The following SLC25A12 variants were observed in gnomAD, a reference collection of about 807,000 sequenced individuals.
SLC25A12 encodes solute carrier family 25 member 12, also known as electrogenic aspartate/glutamate antiporter SLC25A12, mitochondrial.
SLC25A12 carries 32 observed loss-of-function variants against 83.3 expected under a neutral mutation model. The ratio of observed to expected loss-of-function variants is 0.38; its 90% CI spans 0.29 to 0.52. SLC25A12 has a LOEUF of 0.52. Ranked by LOEUF, SLC25A12 falls within the 20% of genes least tolerant of loss-of-function variation. The probability of loss-of-function intolerance (pLI) is 0.84; values close to 1 mark genes in which losing one functional copy is unlikely to be tolerated. For synonymous variants in SLC25A12, 267 were observed against 291.1 expected (o/e 0.92, Z 0.84); for missense variants, 611 against 835.6 (o/e 0.73, Z 3.31).
chr2:171,846,528 C>G (rs1256793399), intron 4 of SLC25A12, among the ~76,000 whole-genome samples: 1 of 152,050 alleles, frequency 6.6e-6, no homozygotes, highest in African/African-American at 2.4e-5. Flanking sequence ...ATTTTTTTGG[C>G]TGGGCACAGT....
intron 3 of SLC25A12, among the ~76,000 whole-genome samples, chr2:171,868,211 C>T (rs1173238822): frequency 1.3e-5 from 2 of 151,422 alleles, no homozygotes; most frequent in African/African-American, 2.4e-5. Flanking sequence ...ATTTTAAAAA[C>T]ATATTTTCTA....
At chr2:171,857,905 C>A (rs763955335) in intron 3 of SLC25A12, among the ~76,000 whole-genome samples, 7 of 151,524 alleles carry the variant, frequency 4.6e-5, no homozygotes, top group Non-Finnish European at 7.4e-5. Flanking sequence ...CAAGTGAGAC[C>A]CATTTCAAAA....
intron 10 of SLC25A12, 152 bp from the exon 11 acceptor site, chr2:171,813,649 A>C: frequency 1.1e-6 from 1 of 871,870 alleles, no homozygotes; most frequent in Non-Finnish European, 1.8e-6. Flanking sequence ...CCTCACAAAC[A>C]CCTTAGGGAT....
intron 13 of SLC25A12, among the ~76,000 whole-genome samples, chr2:171,806,487 T>A (rs557479291): frequency 6.6e-6 from 1 of 151,834 alleles, no homozygotes; most frequent in Non-Finnish European, 1.5e-5. Context: ...ACAAACCAGA[T>A]AATAAAACAA....
intron 4 of SLC25A12, among the ~76,000 whole-genome samples, chr2:171,847,143 T>C (rs2105897721): frequency 6.6e-6 from 1 of 152,300 alleles, no homozygotes. Flanking sequence ...CTTTTAGGGT[T>C]TTTTTAAGAC....
intron 2 of SLC25A12, among the ~76,000 whole-genome samples, chr2:171,877,001 T>G (rs1014365903): frequency 6.6e-6 from 1 of 152,216 alleles, no homozygotes; most frequent in Admixed American, 6.5e-5. Flanking sequence ...ACTCAAGTAT[T>G]TGAAATGTAA....
chr2:171,859,405 G>A (rs1685106499), intron 3 of SLC25A12, among the ~76,000 whole-genome samples: 4 of 152,134 alleles, frequency 2.6e-5, no homozygotes, highest in South Asian at 2.1e-4. Context: ...CCACAAGTTC[G>A]AGGCTGCAAT....
chr2:171,835,005 A>T (rs1482407187), intron 6 of SLC25A12, 140 bp from the exon 7 acceptor site: 2 of 884,804 alleles, frequency 2.3e-6, no homozygotes, highest in Non-Finnish European at 1.8e-6. Flanking sequence ...AAATACAAGG[A>T]AAGTATCACA....
At chr2:171,866,714 G>A (rs1357288651) in intron 3 of SLC25A12, among the ~76,000 whole-genome samples, 6 of 140,898 alleles carry the variant, frequency 4.3e-5, no homozygotes, top group Non-Finnish European at 9.4e-5. Flanking sequence ...GGGGCAGCCG[G>A]GCAGAGGCGC....
chr2:171,834,193 A>G (rs1325598449), intron 7 of SLC25A12, 137 bp from the exon 8 acceptor site: 4 of 627,564 alleles, frequency 6.4e-6, no homozygotes, highest in Non-Finnish European at 1.1e-5. Flanking sequence ...TTGAATTTAA[A>G]TATTTAAGTT....
intron 2 of SLC25A12, among the ~76,000 whole-genome samples, chr2:171,877,116 T>C (rs1349395148): frequency 1.3e-5 from 2 of 152,220 alleles, no homozygotes; most frequent in Non-Finnish European, 2.9e-5. Context: ...AGAAATAAAA[T>C]AGATCTCATG....
At chr2:171,815,621 T>C (rs1684036599) in intron 9 of SLC25A12, among the ~76,000 whole-genome samples, 1 of 152,178 alleles carries the variant, frequency 6.6e-6, no homozygotes, top group African/African-American at 2.4e-5. Flanking sequence ...CTAAAGTGTA[T>C]AAAAATTAAC....
intron 8 of SLC25A12, among the ~76,000 whole-genome samples, chr2:171,830,607 G>A (rs977234157): frequency 5.9e-5 from 9 of 151,958 alleles, no homozygotes; most frequent in Admixed American, 2.6e-4. Context: ...TCCACCTCCC[G>A]GGTTCAAGCT....
intron 15 of SLC25A12, 183 bp from the exon 16 acceptor site, chr2:171,788,130 A>G: frequency 1.7e-6 from 1 of 598,358 alleles, no homozygotes; most frequent in South Asian, 2.1e-5. Flanking sequence ...CAGTGTGATC[A>G]GGGGAAAATT....
intron 2 of SLC25A12, among the ~76,000 whole-genome samples, chr2:171,891,814 A>G (rs1273151245): frequency 6.6e-6 from 1 of 152,244 alleles, no homozygotes. Context: ...CATTTCTGTT[A>G]TTATAATTAC....
At chr2:171,866,429 C>A (rs1428332699) in intron 3 of SLC25A12, among the ~76,000 whole-genome samples, 7 of 147,772 alleles carry the variant, frequency 4.7e-5, no homozygotes, top group South Asian at 2.2e-4. Flanking sequence ...GCGCCCCTCA[C>A]CTCCCGGACG....
At chr2:171,852,884 C>T (rs1684961665) in intron 4 of SLC25A12, among the ~76,000 whole-genome samples, 2 of 152,100 alleles carry the variant, frequency 1.3e-5, no homozygotes, top group South Asian at 4.1e-4. Context: ...AAATTTGTCT[C>T]AAAGTGGATC....
intron 3 of SLC25A12, among the ~76,000 whole-genome samples, chr2:171,865,753 AAAAATT>A (rs1466977537): frequency 6.6e-6 from 1 of 152,074 alleles, no homozygotes; most frequent in African/African-American, 2.4e-5. Flanking sequence ...AGTGTGGTTT[AAAAATT>A]ATTGGCTCAG....
At chr2:171,817,305 CT>C (rs1431308374) in intron 9 of SLC25A12, among the ~76,000 whole-genome samples, 1 of 152,060 alleles carries the variant, frequency 6.6e-6, no homozygotes, top group African/African-American at 2.4e-5. Context: ...TTTTTAACTT[CT>C]TTAAAAATGC....
Sources: allele counts gnomAD v4.1 joint callset (sites outside exome capture counted in the v4.1 genomes callset), GRCh38; gene constraint gnomAD v4.1.1; transcripts MANE v1.5; gene names NCBI Gene and HGNC (gene_info 2026-07-23, HGNC 2026-07-21).